The following CTR9 variants were observed in gnomAD, a reference collection of about 807,000 sequenced individuals.
CTR9 encodes the protein CTR9 component of Paf1/RNA polymerase II complex, also known as RNA polymerase-associated protein CTR9 homolog.
CTR9 carries 41 observed loss-of-function variants against 152.1 expected under a neutral mutation model. The ratio of observed to expected loss-of-function variants is 0.27; its 90% CI spans 0.21 to 0.35. CTR9 has a LOEUF of 0.35. Ranked by LOEUF, CTR9 falls within the 10% of genes least tolerant of loss-of-function variation. The probability of loss-of-function intolerance (pLI) is 1.00; values close to 1 mark genes in which losing one functional copy is unlikely to be tolerated. For synonymous variants in CTR9, 476 were observed against 496.2 expected (o/e 0.96, Z 0.54); for missense variants, 917 against 1,424.4 (o/e 0.64, Z 5.73).
At chr11:10,751,695 C>T (rs1241560566) in intron 1 of CTR9, among the ~76,000 whole-genome samples, 1 of 152,166 alleles carries the variant, frequency 6.6e-6, no homozygotes, top group Non-Finnish European at 1.5e-5. Context: ...AGTTCCTCTC[C>T]AGCCTGTTCG....
At chr11:10,760,087 T>C (rs970924606) in intron 5 of CTR9, 86 bp from the exon 6 acceptor site, 98 of 1,472,012 alleles carry the variant, frequency 6.7e-5, no homozygotes, top group Non-Finnish European at 8.8e-5. Context: ...ATTTTGCAAC[T>C]CATAAATAGA....
chr11:10,771,745 G>A lies in CTR9; in HGVS notation c.2444+129G>A, dbSNP rs1368030973. Reference sequence around the variant, plus strand: ...GTCAGTCTTTCACACTTCTCTTGGGGACTCTCTAATCTTTGCCAGGACTTT... The same window carrying A: ...GTCAGTCTTTCACACTTCTCTTGGGAACTCTCTAATCTTTGCCAGGACTTT... On this transcript the variant is annotated intron_variant, in intron 19 of 24. Transcript: ENST00000361367. 4.0e-5 allele frequency: 26 copies of A among 647,660 alleles called. No individual in the cohort carries two copies. In the East Asian group the frequency reaches 6.7e-4, roughly 17 times the overall value. 40.1% of individuals were successfully genotyped at this position (647,660 alleles called of 1,614,324 possible). A position where few individuals can be genotyped will look rare whatever the true frequency, so the allele number is the denominator to read the frequency against.
chr11:10,770,117 C>T (rs1268143305), intron 16 of CTR9, 93 bp from the exon 17 acceptor site: 1 of 847,570 alleles, frequency 1.2e-6, no homozygotes, highest in Non-Finnish European at 1.8e-6. Context: ...CACCTTTTTA[C>T]AGAGCTTTAA....
In CTR9 at chr11:10,756,744, T is replaced by C. The variant is rs1440375024; in HGVS notation, c.503-5T>C. On this transcript the variant is annotated splice_region_variant and splice_polypyrimidine_tract_variant and intron_variant, in intron 4 of 24. Transcript: ENST00000361367. Reference sequence around the variant, plus strand: ...CACTGTGTTTATTTTTAAAAATCATTACAGGTAAAGCTTGCATTTCCTTCA... The same window carrying C: ...CACTGTGTTTATTTTTAAAAATCATCACAGGTAAAGCTTGCATTTCCTTCA... 1.2e-6 allele frequency: 2 copies of C among 1,602,082 alleles called. No individual in the cohort carries two copies. The highest frequency in any genetic ancestry group is 1.7e-6 in the Non-Finnish European group (2 of 1,173,586).
At chr11:10,760,431 C>T (rs1862958491) in intron 6 of CTR9, 110 bp downstream of exon 6, 4 of 1,040,948 alleles carry the variant, frequency 3.8e-6, no homozygotes, top group Non-Finnish European at 4.2e-6. Context: ...TTACAGATTA[C>T]AGAAGGGTAC....
intron 24 of CTR9, 39 bp from the exon 25 acceptor site, chr11:10,778,640 C>A: frequency 1.3e-6 from 2 of 1,577,622 alleles, no homozygotes; most frequent in South Asian, 1.2e-5. Context: ...CCCAGTTAGC[C>A]AGAATCCTCA....
At chr11:10,763,607 T>C (rs959794945) in intron 8 of CTR9, 36 bp from the exon 9 acceptor site, 22 of 1,565,962 alleles carry the variant, frequency 1.4e-5, no homozygotes, top group Non-Finnish European at 1.8e-5. Context: ...CCAATACTTT[T>C]GTACATATTG....
chr11:10,756,961 A>G, intron 5 of CTR9, 123 bp downstream of exon 5: 1 of 755,456 alleles, frequency 1.3e-6, no homozygotes, highest in East Asian at 2.7e-5. Context: ...GTCAGAATCA[A>G]GTTTTTTTTT....
chr11:10,775,493 C>G (rs1485201873), intron 23 of CTR9, 28 bp from the exon 24 acceptor site: 6 of 1,573,180 alleles, frequency 3.8e-6, no homozygotes, highest in African/African-American at 1.4e-5. Flanking sequence ...AGAGTCTTGA[C>G]TAATCTATTA....
chr11:10,756,675 A>G, intron 4 of CTR9, 74 bp from the exon 5 acceptor site: 1 of 956,062 alleles, frequency 1.0e-6, no homozygotes, highest in Non-Finnish European at 1.6e-6. Context: ...TTTAACTTAG[A>G]TAAGTTAGTG....
chr11:10,762,172 A>G (rs1016150075), intron 7 of CTR9, 118 bp downstream of exon 7: 1 of 667,098 alleles, frequency 1.5e-6, no homozygotes, highest in East Asian at 2.8e-5. Context: ...CCCCCCTCCA[A>G]ATTATAGAGT....
At chr11:10,777,380 A>T (rs927301798) in intron 24 of CTR9, among the ~76,000 whole-genome samples, 1 of 152,188 alleles carries the variant, frequency 6.6e-6, no homozygotes, top group Non-Finnish European at 1.5e-5. Context: ...CAAGTGAGAC[A>T]GAAATTTTAT....
chr11:10,773,933 GC>G, intron 21 of CTR9, 78 bp from the exon 22 acceptor site: 1 of 885,756 alleles, frequency 1.1e-6, no homozygotes. Context: ...AATGGATATG[GC>G]CCCTTTCTGT....
chr11:10,767,733 C>A lies in CTR9; in HGVS notation c.1687-73C>A. ...GTTTGTAAACCTCTTCAGTAATCAG[C>A]TATTGTGGGAAGATGATTGATCTCT... On this transcript the variant is annotated intron_variant, in intron 13 of 24. Transcript: ENST00000361367. This position sits in a 1 kb window ranked among gnomAD's most constrained non-coding sequence, Gnocchi z 4.0. 1 of 1,262,868 alleles carries A rather than the reference C, an allele frequency of 7.9e-7. No individual in the cohort carries two copies. Among genetic ancestry groups the A allele is most frequent in the Non-Finnish European group, 1.1e-6 (1 of 874,522 alleles). The allele number at this position is 1,262,868 out of a possible 1,614,324, so 78.2% of individuals were successfully genotyped here. A position where few individuals can be genotyped will look rare whatever the true frequency, so the allele number is the denominator to read the frequency against.
Position 10,751,296 on chromosome 11 carries a change from C to T in CTR9, c.-117C>T, listed in dbSNP as rs1862795517. 4 of 1,087,902 alleles carry T rather than the reference C, an allele frequency of 3.7e-6. No homozygotes were observed. The highest frequency in any genetic ancestry group is 4.1e-6 in the Non-Finnish European group (3 of 727,010). 67.4% of individuals were successfully genotyped at this position (1,087,902 alleles called of 1,614,324 possible). On this transcript the variant is annotated 5_prime_UTR_variant, in exon 1 of 25. Coordinates refer to ENST00000361367, the MANE Select transcript of CTR9 (RefSeq NM_014633.5). ...AGAAGCCAGAGCTCCAGCGGCGCCGCGGGGCGGCAGTCAAGACCAGAGCCG... is the reference window on the plus strand; with the variant it reads ...AGAAGCCAGAGCTCCAGCGGCGCCGTGGGGCGGCAGTCAAGACCAGAGCCG...
intron 20 of CTR9, 48 bp from the exon 21 acceptor site, chr11:10,773,079 A>G (rs750678240): frequency 2.5e-6 from 4 of 1,570,190 alleles, no homozygotes; most frequent in South Asian, 2.4e-5. Flanking sequence ...ATTTTTCATC[A>G]TAAGAAAATT....
At chr11:10,755,939 C>G in intron 4 of CTR9, 144 bp downstream of exon 4, 1 of 543,250 alleles carries the variant, frequency 1.8e-6, no homozygotes, top group Non-Finnish European at 3.3e-6. Context: ...TTACCTACAA[C>G]AAATATTGTT....
At chr11:10,772,410 C>T (rs984985498) in intron 19 of CTR9, 110 bp from the exon 20 acceptor site, 3 of 886,714 alleles carry the variant, frequency 3.4e-6, no homozygotes, top group Non-Finnish European at 4.6e-6. Context: ...TCACATAGAT[C>T]AGCTAATGGT....
chr11:10,768,372 C>T lies in CTR9; in HGVS notation c.1990C>T (p.Arg664Cys), dbSNP rs1391585643. The change falls in exon 16 of 25, where the codon CGT (arginine) becomes TGT (cysteine). Residue 664 changes from arginine to cysteine, a missense_variant. Arg to Cys is a radical substitution (Grantham distance 180). This residue lies in a region of CTR9 where 87 missense variants were observed against 235.7 expected (regional missense o/e 0.37). Transcript: ENST00000361367. ...GAVLAHKGYF[R>C]EARDVFAQVR... Reference sequence around the variant, plus strand: ...TGTTTTGGCCCACAAAGGATATTTTCGTGAAGCTCGTGATGTATTTGCCCA... The same window carrying T: ...TGTTTTGGCCCACAAAGGATATTTTTGTGAAGCTCGTGATGTATTTGCCCA... 1.9e-6 allele frequency: 3 copies of T among 1,613,662 alleles called. No individual in the cohort carries two copies. Among genetic ancestry groups the T allele is most frequent in the East Asian group, 2.2e-5 (1 of 44,886 alleles).
Sources: allele counts gnomAD v4.1 joint callset (sites outside exome capture counted in the v4.1 genomes callset), GRCh38; gene constraint gnomAD v4.1.1; regional missense constraint gnomAD v4.1.1; non-coding constraint Gnocchi (gnomAD v3.1); transcripts MANE v1.5; gene names NCBI Gene and HGNC (gene_info 2026-07-23, HGNC 2026-07-21).